The following PDE4D variants were observed in gnomAD, a reference collection of about 807,000 sequenced individuals.
PDE4D encodes 3',5'-cyclic-AMP phosphodiesterase 4D.
Under a neutral mutation model 87.4 loss-of-function variants are expected in PDE4D, and 24 were observed. The ratio of observed to expected loss-of-function variants is 0.27; its 90% CI spans 0.20 to 0.39. The LOEUF (loss-of-function observed/expected upper bound fraction) is 0.39, where lower values mean the gene tolerates loss of function less well. Ranked by LOEUF, PDE4D falls within the 10% of genes least tolerant of loss-of-function variation. PDE4D has a pLI of 1.00. For synonymous variants in PDE4D, 384 were observed against 383.2 expected (o/e 1.00, Z -0.02); for missense variants, 714 against 1,041.0 (o/e 0.69, Z 4.32).
intron 1 of PDE4D, among the ~76,000 whole-genome samples, chr5:59,529,459 C>CA (rs1467242248): frequency 1.3e-5 from 2 of 152,104 alleles, no homozygotes; most frequent in Non-Finnish European, 2.9e-5. Context: ...CAGCCAATGA[C>CA]ACATCAACAC....
intron 2 of PDE4D, among the ~76,000 whole-genome samples, chr5:60,038,723 C>G (rs1276092103): frequency 2.0e-5 from 3 of 151,556 alleles, no homozygotes; most frequent in Admixed American, 1.3e-4. Context: ...CTACAATGAA[C>G]TCAAACAAAT....
intron 2 of PDE4D, among the ~76,000 whole-genome samples, chr5:60,123,568 C>G (rs1030122817): frequency 6.6e-6 from 1 of 152,054 alleles, no homozygotes; most frequent in African/African-American, 2.4e-5. Flanking sequence ...CCCACCGAGT[C>G]CCTCCCACAA....
At chr5:59,446,682 A>G (rs1337792844) in intron 1 of PDE4D, among the ~76,000 whole-genome samples, 1 of 152,228 alleles carries the variant, frequency 6.6e-6, no homozygotes, top group African/African-American at 2.4e-5. Flanking sequence ...AACAATGGCA[A>G]TATCCTTGAG....
At chr5:59,009,569 T>A (rs1429831146) in intron 6 of PDE4D, among the ~76,000 whole-genome samples, 1 of 152,062 alleles carries the variant, frequency 6.6e-6, no homozygotes, top group Admixed American at 6.6e-5. Flanking sequence ...ATAGGGACAA[T>A]CAGCACTGGA....
At chr5:59,993,088 C>G (rs1329266475) in intron 2 of PDE4D, among the ~76,000 whole-genome samples, 1 of 152,094 alleles carries the variant, frequency 6.6e-6, no homozygotes. Flanking sequence ...TCTAATGTCT[C>G]CAAGTCATTA....
At chr5:59,257,793 AT>A in intron 1 of PDE4D, among the ~76,000 whole-genome samples, 1 of 151,976 alleles carries the variant, frequency 6.6e-6, no homozygotes, top group Non-Finnish European at 1.5e-5. Flanking sequence ...AAGAGAAGGG[AT>A]TTACAGCAGC....
intron 1 of PDE4D, among the ~76,000 whole-genome samples, chr5:60,260,094 T>C (rs1469759495): frequency 6.6e-6 from 1 of 152,020 alleles, no homozygotes; most frequent in Non-Finnish European, 1.5e-5. Context: ...TTTAGGTTCA[T>C]TTAATCTTTG....
chr5:59,341,815 A>G (rs1047331754), intron 1 of PDE4D, among the ~76,000 whole-genome samples: 1 of 152,164 alleles, frequency 6.6e-6, no homozygotes, highest in East Asian at 1.9e-4. Flanking sequence ...TAATTTTTCT[A>G]TTCAAACTTG....
chr5:59,743,418 CCAA>C (rs1759144562), intron 1 of PDE4D, among the ~76,000 whole-genome samples: 1 of 151,934 alleles, frequency 6.6e-6, no homozygotes, highest in South Asian at 2.1e-4. Context: ...ATACAGATGG[CCAA>C]CAAGTACATG....
Position 59,086,681 on chromosome 5 carries a change from C to A in PDE4D, c.809-47710G>T, listed in dbSNP as rs1482309166. Reference sequence around the variant, plus strand: ...TCATATTTCCAATACTGGCATTTACCCTATCTGCAGTTTTTACTATCTTAT... The same window carrying A: ...TCATATTTCCAATACTGGCATTTACACTATCTGCAGTTTTTACTATCTTAT... On this transcript the variant is annotated intron_variant, in intron 5 of 14. Coordinates refer to ENST00000340635, the MANE Select transcript of PDE4D (RefSeq NM_001104631.2). 1.3e-5 allele frequency among the ~76,000 whole-genome samples: 2 copies of A among 152,158 alleles called. 1 individual carries two copies. Among genetic ancestry groups the A allele is most frequent in the East Asian group, 3.9e-4 (2 of 5,174 alleles).
intron 2 of PDE4D, among the ~76,000 whole-genome samples, chr5:60,173,298 T>C (rs1783634775): frequency 6.6e-6 from 1 of 152,006 alleles, no homozygotes; most frequent in African/African-American, 2.4e-5. Flanking sequence ...AAAATGAGGA[T>C]AAATATAACT....
At chr5:60,298,179 TC>T (rs1208632379) in intron 1 of PDE4D, among the ~76,000 whole-genome samples, 1 of 152,066 alleles carries the variant, frequency 6.6e-6, no homozygotes, top group African/African-American at 2.4e-5. Flanking sequence ...AGGAAAAAAT[TC>T]CAATTAACTT....
chr5:59,013,859 A>T (rs542328186), intron 6 of PDE4D, among the ~76,000 whole-genome samples: 1 of 152,166 alleles, frequency 6.6e-6, no homozygotes, highest in Non-Finnish European at 1.5e-5. Context: ...AGAATTTTAG[A>T]CCAACATCCA....
At position 59,680,577 on chromosome 5, in the gene PDE4D, T is replaced by C. The variant is rs996265049; in HGVS notation, c.455+212591A>G. 7.9e-5 allele frequency among the ~76,000 whole-genome samples: 12 copies of C among 151,972 alleles called. No individual in the cohort carries two copies. The South Asian group carries it at 2.5e-3, about 32-fold the overall frequency. ...ATAAGTAACAGAACCGTGAAGTGAG[T>C]GGAAGTGGCTGTGAGAAAAGAACTA... is the stretch of plus-strand genomic sequence containing the variant. On this transcript the variant is annotated intron_variant, in intron 1 of 14. Transcript: ENST00000340635.
chr5:60,141,225 C>T lies in PDE4D; in HGVS notation c.42+44332G>A, dbSNP rs139283095. On this transcript the variant is annotated intron_variant, in intron 2 of 16. Transcript: ENST00000502484. Reference sequence around the variant, plus strand: ...GTTCTTCCATCTTGGGGGTGGGTGACAGAAAGCAATGTAGTGGCAGGACCT... The same window carrying T: ...GTTCTTCCATCTTGGGGGTGGGTGATAGAAAGCAATGTAGTGGCAGGACCT... Among the ~76,000 whole-genome samples the T allele has an allele frequency of 1.1e-4, 17 of 152,170 alleles. No homozygotes were observed. In the East Asian group the frequency reaches 3.3e-3, roughly 29 times the overall value.
intron 1 of PDE4D, among the ~76,000 whole-genome samples, chr5:60,305,456 CAG>C (rs1161048087): frequency 1.3e-5 from 2 of 151,832 alleles, no homozygotes; most frequent in Admixed American, 1.3e-4. Flanking sequence ...AATTGAAAAA[CAG>C]AGACTAGGGA....
At chr5:58,995,552 T>C (rs1749033962) in intron 6 of PDE4D, among the ~76,000 whole-genome samples, 1 of 152,234 alleles carries the variant, frequency 6.6e-6, no homozygotes, top group Non-Finnish European at 1.5e-5. Context: ...AATGAGCTAA[T>C]ATAGAAGTGT....
intron 1 of PDE4D, among the ~76,000 whole-genome samples, chr5:60,428,644 T>C (rs529291021): frequency 5.8e-4 from 88 of 152,328 alleles, no homozygotes; most frequent in Non-Finnish European, 1.0e-3. Context: ...TACTAAATGC[T>C]TCACAAATAG....
In PDE4D at chr5:59,818,558, C is replaced by T. The variant is rs148408756; in HGVS notation, c.455+74610G>A. Among the ~76,000 whole-genome samples, 223 of 152,328 alleles carry T rather than the reference C, an allele frequency of 1.5e-3. 1 individual carries two copies. Among genetic ancestry groups the T allele is most frequent in the African/African-American group, 5.2e-3 (215 of 41,572 alleles). On this transcript the variant is annotated intron_variant, in intron 1 of 14. Transcript: ENST00000340635. The stretch of plus-strand genomic sequence containing the variant: ...AATCTTTTCTGAGCATCTTGGGCCT[C>T]ACTACCTCTGGGAAAATAACTTTGC...
Sources: gnomAD v4.1 joint callset for allele counts (sites outside exome capture counted in the v4.1 genomes callset) on GRCh38, gnomAD v4.1.1 for gene constraint, MANE v1.5 for transcripts, NCBI Gene and HGNC (gene_info 2026-07-23, HGNC 2026-07-21) for gene names.